The following ZNF804A variants were observed in gnomAD, a reference collection of about 807,000 sequenced individuals.
ZNF804A encodes zinc finger protein 804A.
ZNF804A carries 2 observed loss-of-function variants against 16.5 expected under a neutral mutation model. The ratio of observed to expected loss-of-function variants is 0.12; its 90% CI spans 0.05 to 0.38. The LOEUF (loss-of-function observed/expected upper bound fraction) is 0.38, where lower values mean the gene tolerates loss of function less well. Among genes scored for constraint, ZNF804A ranks in the 10% least tolerant of loss-of-function variants. The probability of loss-of-function intolerance (pLI) is 0.99; values close to 1 mark genes in which losing one functional copy is unlikely to be tolerated. For missense variants in ZNF804A, 1,473 were observed against 1,390.7 expected (o/e 1.06, Z -0.94); for synonymous variants, 534 against 489.6 (o/e 1.09, Z -1.20).
At chr2:184,628,818 A>C (rs1485309217) in intron 1 of ZNF804A, among the ~76,000 whole-genome samples, 1 of 152,140 alleles carries the variant, frequency 6.6e-6, no homozygotes, top group East Asian at 1.9e-4. Flanking sequence ...CAAATTTATC[A>C]AGTAATAAAT....
intron 2 of ZNF804A, among the ~76,000 whole-genome samples, chr2:184,897,344 T>G (rs1685084973): frequency 6.6e-6 from 1 of 152,054 alleles, no homozygotes; most frequent in Admixed American, 6.6e-5. Context: ...ATACAGCAAT[T>G]TTTTCCCCTT....
At chr2:184,928,763 T>G (rs866119466) in intron 2 of ZNF804A, among the ~76,000 whole-genome samples, 1 of 152,162 alleles carries the variant, frequency 6.6e-6, no homozygotes, top group Non-Finnish European at 1.5e-5. Context: ...ACTACCTCCA[T>G]AGGTGAGCAT....
intron 1 of ZNF804A, among the ~76,000 whole-genome samples, chr2:184,757,712 T>C (rs1693980755): frequency 6.6e-6 from 1 of 152,056 alleles, no homozygotes. Context: ...ATGTTTAATT[T>C]GTATTTTTTA....
intron 2 of ZNF804A, among the ~76,000 whole-genome samples, chr2:184,922,379 G>A (rs902892087): frequency 2.0e-5 from 3 of 151,974 alleles, no homozygotes; most frequent in Non-Finnish European, 4.4e-5. Context: ...TTCACTTCCT[G>A]TTTGTCATTT....
At chr2:184,677,151 T>C (rs912312815) in intron 1 of ZNF804A, among the ~76,000 whole-genome samples, 4 of 151,964 alleles carry the variant, frequency 2.6e-5, no homozygotes, top group Non-Finnish European at 4.4e-5. Context: ...ACGGAATCAA[T>C]GTGCTTAAAC....
At chr2:184,834,522 A>T (rs1695313338) in intron 1 of ZNF804A, among the ~76,000 whole-genome samples, 1 of 151,928 alleles carries the variant, frequency 6.6e-6, no homozygotes, top group Non-Finnish European at 1.5e-5. Flanking sequence ...TGTATCTCTC[A>T]TACACTCCTC....
At chr2:184,853,025 A>G (rs1335269938) in intron 1 of ZNF804A, among the ~76,000 whole-genome samples, 1 of 151,740 alleles carries the variant, frequency 6.6e-6, no homozygotes, top group East Asian at 1.9e-4. Flanking sequence ...TCTGTAGATC[A>G]CTTTGCCTAG....
At chr2:184,849,632 G>A (rs1009958314) in intron 1 of ZNF804A, among the ~76,000 whole-genome samples, 8 of 151,966 alleles carry the variant, frequency 5.3e-5, no homozygotes, top group Non-Finnish European at 1.0e-4. Flanking sequence ...ATATACCATA[G>A]GTAGGAATGT....
At chr2:184,747,509 G>A (rs560446316) in intron 1 of ZNF804A, among the ~76,000 whole-genome samples, 9 of 150,752 alleles carry the variant, frequency 6.0e-5, no homozygotes, top group South Asian at 2.1e-4. Flanking sequence ...TGATCACACC[G>A]TTATGTATTT....
intron 1 of ZNF804A, among the ~76,000 whole-genome samples, chr2:184,748,690 G>A (rs1327370002): frequency 6.6e-6 from 1 of 151,050 alleles, no homozygotes; most frequent in Non-Finnish European, 1.5e-5. Flanking sequence ...TTATTTCCTA[G>A]ATTTTCTTCT....
At chr2:184,816,547 G>A (rs555082402) in intron 1 of ZNF804A, among the ~76,000 whole-genome samples, 91 of 152,062 alleles carry the variant, frequency 6.0e-4, no homozygotes, top group Middle Eastern at 6.8e-3. Flanking sequence ...AACGTTCAAT[G>A]TTCCTTTTTA....
rs574314433 is a variant in ZNF804A at position 184,922,630 on chromosome 2, T to C, written c.256-10973T>C. ...GTGGCCCTATTTGTCCATGTTTCCTTTGATTGTCTGGGTCTGTGAGTTATT... is the reference window on the plus strand; with the variant it reads ...GTGGCCCTATTTGTCCATGTTTCCTCTGATTGTCTGGGTCTGTGAGTTATT... On this transcript the variant is annotated intron_variant, in intron 2 of 3. Coordinates refer to ENST00000302277, the MANE Select transcript of ZNF804A (RefSeq NM_194250.2). 3.3e-5 allele frequency among the ~76,000 whole-genome samples: 5 copies of C among 152,202 alleles called. No homozygotes were observed. The East Asian group carries it at 7.7e-4, about 24-fold the overall frequency.
chr2:184,599,191 G>A, intron 1 of ZNF804A, 121 bp downstream of exon 1: 1 of 774,592 alleles, frequency 1.3e-6, no homozygotes, highest in Non-Finnish European at 2.1e-6. Flanking sequence ...TTATCTGGTG[G>A]GCGTGGGGTG....
intron 1 of ZNF804A, among the ~76,000 whole-genome samples, chr2:184,833,047 T>C (rs982249543): frequency 6.6e-6 from 1 of 152,074 alleles, no homozygotes; most frequent in African/African-American, 2.4e-5. Context: ...ACATGCATAC[T>C]TAATTTCATT....
intron 1 of ZNF804A, among the ~76,000 whole-genome samples, chr2:184,763,234 G>A (rs1476229103): frequency 2.0e-5 from 3 of 152,032 alleles, no homozygotes; most frequent in Admixed American, 6.6e-5. Flanking sequence ...GGTCTTTACA[G>A]AGGAGTTAAG....
chr2:184,684,078 A>G (rs1217373630), intron 1 of ZNF804A, among the ~76,000 whole-genome samples: 1 of 152,244 alleles, frequency 6.6e-6, no homozygotes, highest in African/African-American at 2.4e-5. Context: ...GTAAGCAGGC[A>G]GATGGCTGTA....
At chr2:184,633,695 A>G (rs1691651368) in intron 1 of ZNF804A, among the ~76,000 whole-genome samples, 1 of 152,192 alleles carries the variant, frequency 6.6e-6, no homozygotes, top group African/African-American at 2.4e-5. Context: ...AATAGAATCA[A>G]ATCTATACAT....
rs1169486463 is a variant in ZNF804A, at chr2:184,829,918, AAAAACAAAAAC to A, written c.112-36446_112-36436del. Among the ~76,000 whole-genome samples the A allele has an allele frequency of 4.8e-3, 495 of 104,024 alleles. 39 individuals are homozygous for A. The highest frequency in any genetic ancestry group is 0.026 in the African/African-American group (433 of 16,350). 68.2% of individuals were successfully genotyped at this position (104,024 alleles called of 152,430 possible). ...CTCTACCAAAAAAAAAAAAAAAAAA[AAAAACAAAAAC>A]AAAAAAAAAAAAACCACACACACAC... is the stretch of plus-strand genomic sequence containing the variant. On this transcript the variant is annotated intron_variant, in intron 1 of 3. Coordinates refer to ENST00000302277, the MANE Select transcript of ZNF804A (RefSeq NM_194250.2).
chr2:184,709,072 A>C (rs1010902253), intron 1 of ZNF804A, among the ~76,000 whole-genome samples: 1 of 152,116 alleles, frequency 6.6e-6, no homozygotes, highest in Non-Finnish European at 1.5e-5. Context: ...CTATTACTTC[A>C]GTGATTCTAC....
Sources: allele counts gnomAD v4.1 joint callset (sites outside exome capture counted in the v4.1 genomes callset), GRCh38; gene constraint gnomAD v4.1.1; transcripts MANE v1.5; gene names NCBI Gene and HGNC (gene_info 2026-07-23, HGNC 2026-07-21).